The following FBXO11 variants were observed in gnomAD, a reference collection of about 807,000 sequenced individuals.
FBXO11 encodes the protein F-box protein 11.
In FBXO11, 13 loss-of-function variants were observed where a neutral mutation model predicts 117.0. That is an observed-to-expected ratio of 0.11 (90% CI 0.07 to 0.18). FBXO11 has a LOEUF of 0.18. Among genes scored for constraint, FBXO11 ranks in the 10% least tolerant of loss-of-function variants. The probability of loss-of-function intolerance (pLI) is 1.00; values close to 1 mark genes in which losing one functional copy is unlikely to be tolerated. For missense variants in FBXO11, 767 were observed against 1,164.4 expected, an observed-to-expected ratio of 0.66 and a Z score of 4.97; for synonymous variants, 490 against 380.5, an observed-to-expected ratio of 1.29 and a Z score of -3.35.
chr2:47,810,085 A>G (rs1002046954), intron 19 of FBXO11: 28 of 502,372 alleles, frequency 5.6e-5, no homozygotes, highest in South Asian at 2.0e-4. Flanking sequence ...ATCCCAATAA[A>G]TGTTTCATAA....
At chr2:47,869,165 G>A (rs991221156) in intron 1 of FBXO11, among the ~76,000 whole-genome samples, 1 of 152,178 alleles carries the variant, frequency 6.6e-6, no homozygotes, top group Non-Finnish European at 1.5e-5. Context: ...GGTGGAAATA[G>A]GAGTGACACC....
intron 1 of FBXO11, among the ~76,000 whole-genome samples, chr2:47,877,650 C>G (rs1418022900): frequency 6.6e-6 from 1 of 152,020 alleles, no homozygotes; most frequent in Non-Finnish European, 1.5e-5. Flanking sequence ...CCATCTCTCA[C>G]TCAAACCTCC....
At chr2:47,893,790 G>T (rs1194267738) in intron 1 of FBXO11, among the ~76,000 whole-genome samples, 1 of 152,134 alleles carries the variant, frequency 6.6e-6, no homozygotes, top group Non-Finnish European at 1.5e-5. Flanking sequence ...TCTGGAAAAA[G>T]GGAAGACACA....
rs750085499 is a variant in FBXO11, at chr2:47,809,284, ATAAG to A, written c.2447-22_2447-19del. ...TTTGTTATCTGTAATAAAAGAAAGA[ATAAG>A]TAAAAATTCAGAGGAATGTTAATAT... On this transcript the variant is annotated intron_variant, in intron 20 of 22. Transcript: ENST00000403359. 20 of 1,438,844 alleles carry A rather than the reference ATAAG, an allele frequency of 1.4e-5. No homozygotes were observed. Among genetic ancestry groups the A allele is most frequent in the Admixed American group, 5.9e-5 (3 of 51,116 alleles). The allele number at this position is 1,438,844 out of a possible 1,614,324, so 89.1% of individuals were successfully genotyped here.
chr2:47,870,170 AT>A (rs1036840510), intron 1 of FBXO11, among the ~76,000 whole-genome samples: 2 of 152,208 alleles, frequency 1.3e-5, no homozygotes, highest in Non-Finnish European at 2.9e-5. Flanking sequence ...CCCTATGAAT[AT>A]AGCCTATTGA....
At chr2:47,849,959 T>C (rs2103635550) in intron 1 of FBXO11, among the ~76,000 whole-genome samples, 1 of 152,304 alleles carries the variant, frequency 6.6e-6, no homozygotes, top group South Asian at 2.1e-4. Flanking sequence ...AGAACAGTAA[T>C]GTGTTCTGAT....
At chr2:47,825,131 T>C (rs758898055) in intron 11 of FBXO11, among the ~76,000 whole-genome samples, 19 of 152,284 alleles carry the variant, frequency 1.2e-4, no homozygotes, top group Non-Finnish European at 2.2e-4. Flanking sequence ...AAAGGGGATA[T>C]TCTGAATACT....
At chr2:47,823,429 A>C in intron 11 of FBXO11, 69 bp from the exon 12 acceptor site, 3 of 1,135,606 alleles carry the variant, frequency 2.6e-6, no homozygotes, top group Non-Finnish European at 3.7e-6. Flanking sequence ...CATTTAAAAA[A>C]CATTTCAATG....
At chr2:47,857,294 T>G (rs1408191974) in intron 1 of FBXO11, among the ~76,000 whole-genome samples, 1 of 152,138 alleles carries the variant, frequency 6.6e-6, no homozygotes, top group African/African-American at 2.4e-5. Flanking sequence ...ATTTTTTTTT[T>G]TAAATCAGCA....
chr2:47,823,130 TA>T lies in FBXO11; in HGVS notation c.1616+12del. 6.4e-7 allele frequency: 1 copy of T among 1,568,614 alleles called. No homozygotes were observed. Among genetic ancestry groups the T allele is most frequent in the Non-Finnish European group, 8.7e-7 (1 of 1,151,650 alleles). ...TGAAAAAGTAATTTTCACCCATAAT[TA>T]TATGTAAATACCTTATTGTTGGGTC... is the stretch of plus-strand genomic sequence containing the variant. On this transcript the variant is annotated intron_variant, in intron 12 of 22. Transcript: ENST00000403359.
At chr2:47,840,490 A>G (rs113939060) in intron 1 of FBXO11, among the ~76,000 whole-genome samples, 12,041 of 140,712 alleles carry the variant, frequency 0.086, 597 homozygotes, top group Non-Finnish European at 0.11. Flanking sequence ...TCATTCTGTC[A>G]CCCAGGCTGG....
chr2:47,832,125 C>CACATAT (rs1672240069), intron 11 of FBXO11, among the ~76,000 whole-genome samples: 1 of 152,118 alleles, frequency 6.6e-6, no homozygotes, highest in African/African-American at 2.4e-5. Context: ...CCTCAAAGAT[C>CACATAT]ACATATATTG....
chr2:47,822,932 A>AT (rs1421353015), intron 12 of FBXO11, among the ~76,000 whole-genome samples: 1 of 152,242 alleles, frequency 6.6e-6, no homozygotes, highest in Non-Finnish European at 1.5e-5. Flanking sequence ...CATATGGTTT[A>AT]TATCACTAAT....
intron 1 of FBXO11, among the ~76,000 whole-genome samples, chr2:47,842,132 C>CCTGGGTTCA (rs1293586682): frequency 7.9e-5 from 12 of 151,826 alleles, no homozygotes; most frequent in African/African-American, 2.9e-4. Flanking sequence ...TCTCCGGCCT[C>CCTGGGTTCA]AGCCTCCCGA....
intron 1 of FBXO11, among the ~76,000 whole-genome samples, chr2:47,871,040 G>C (rs1675587667): frequency 6.6e-6 from 1 of 152,050 alleles, no homozygotes. Context: ...CAAATGCTTT[G>C]ATACTCCTCT....
rs187183318 is a variant in FBXO11 at position 47,826,495 on chromosome 2, T to G, written c.1399-3135A>C. 4.0e-4 allele frequency among the ~76,000 whole-genome samples: 61 copies of G among 152,316 alleles called. No homozygotes were observed. In the East Asian group the frequency reaches 5.2e-3, roughly 13 times the overall value. ...GTAACTCACTGTACTTAGTCTTCAC[T>G]TTCCAGTTTTAGGTATTATCCACTG... On this transcript the variant is annotated intron_variant, in intron 11 of 22. Coordinates refer to ENST00000403359, the MANE Select transcript of FBXO11 (RefSeq NM_001190274.2).
At chr2:47,886,084 T>G (rs575117493) in intron 1 of FBXO11, among the ~76,000 whole-genome samples, 1 of 152,340 alleles carries the variant, frequency 6.6e-6, no homozygotes, top group East Asian at 1.9e-4. Context: ...TTTACCAAAC[T>G]TTAAAATGCA....
chr2:47,836,317 G>T (rs567638457), intron 4 of FBXO11, among the ~76,000 whole-genome samples: 1 of 151,974 alleles, frequency 6.6e-6, no homozygotes, highest in South Asian at 2.1e-4. Flanking sequence ...ACGTGAAAAC[G>T]TATTTTTCAC....
At chr2:47,825,495 A>C (rs1300080616) in intron 11 of FBXO11, among the ~76,000 whole-genome samples, 1 of 150,810 alleles carries the variant, frequency 6.6e-6, no homozygotes, top group South Asian at 2.1e-4. Context: ...ATGAGGAGGG[A>C]GCACAATTAG....
Sources: gnomAD v4.1 joint callset for allele counts (sites outside exome capture counted in the v4.1 genomes callset) on GRCh38, gnomAD v4.1.1 for gene constraint, MANE v1.5 for transcripts, NCBI Gene and HGNC (gene_info 2026-07-23, HGNC 2026-07-21) for gene names.